Variants in AP3D1 observed in about 807,000 individuals in gnomAD.
AP3D1 encodes the protein AP-3 complex subunit delta-1.
In AP3D1, 51 loss-of-function variants were observed where a neutral mutation model predicts 147.6. The observed-to-expected ratio is 0.35, with a 90% confidence interval of 0.28 to 0.44. AP3D1 has a LOEUF of 0.44. Among genes scored for constraint, AP3D1 ranks in the 20% least tolerant of loss-of-function variants. The pLI is 1.00. For missense variants in AP3D1, 1,421 were observed against 1,624.2 expected (o/e 0.87, Z 2.15); for synonymous variants, 760 against 663.0 (o/e 1.15, Z -2.25).
At chr19:2,160,052 T>C (rs1415826033) in intron 1 of AP3D1, among the ~76,000 whole-genome samples, 1 of 146,812 alleles carries the variant, frequency 6.8e-6, no homozygotes, top group Non-Finnish European at 1.5e-5. Flanking sequence ...GGTTTCACCA[T>C]GTTGGTCAGG....
Position 2,110,194 on chromosome 19 carries a change from G to A in AP3D1, c.3206C>T (p.Thr1069Ile). The A allele has an allele frequency of 1.2e-6, 2 of 1,612,696 alleles. No homozygotes were observed. The highest frequency in any genetic ancestry group is 1.7e-6 in the Non-Finnish European group (2 of 1,179,978). Reference protein sequence around the residue: ...GVSNEAQYVFTIQSIVMAQKL... With the variant: ...GVSNEAQYVFIIQSIVMAQKL... ...CTGCGCCATGACGATGCTCTGGATGGTGAACACATACTGGGCTTCGTTGGA... is the reference window on the plus strand; with the variant it reads ...CTGCGCCATGACGATGCTCTGGATGATGAACACATACTGGGCTTCGTTGGA... Residue 1069 changes from threonine to isoleucine, a missense_variant, in exon 28 of 32, where the codon ACC becomes ATC. Around this residue, in one of 6 missense-constraint regions of AP3D1, gnomAD observed 791 missense variants for 761.4 expected, o/e 1.04. Transcript: ENST00000643116.
At chr19:2,128,141 G>A (rs1427633216) in intron 8 of AP3D1, among the ~76,000 whole-genome samples, 6 of 152,250 alleles carry the variant, frequency 3.9e-5, no homozygotes, top group Admixed American at 2.0e-4. Context: ...AGTGGGGGCC[G>A]GGGAGGGGTC....
intron 4 of AP3D1, among the ~76,000 whole-genome samples, chr19:2,133,002 G>C (rs1251928087): frequency 1.3e-5 from 2 of 152,212 alleles, no homozygotes; most frequent in Non-Finnish European, 2.9e-5. Flanking sequence ...AGAGGCGCCT[G>C]TCACAAGTCA....
intron 30 of AP3D1, 72 bp downstream of exon 30, chr19:2,109,014 C>T (rs1045933924): frequency 6.3e-7 from 1 of 1,586,214 alleles, no homozygotes; most frequent in Non-Finnish European, 8.5e-7. Context: ...ACAGGCCCGG[C>T]TCCAATAGGA....
intron 1 of AP3D1, among the ~76,000 whole-genome samples, chr19:2,141,984 A>G (rs1218351488): frequency 6.7e-6 from 1 of 149,934 alleles, no homozygotes; most frequent in Admixed American, 6.7e-5. Context: ...TTGTTTACAT[A>G]TATATACATT....
intron 4 of AP3D1, among the ~76,000 whole-genome samples, chr19:2,133,926 G>A (rs2019013237): frequency 6.6e-6 from 1 of 151,916 alleles, no homozygotes; most frequent in African/African-American, 2.4e-5. Context: ...TGACCAACAT[G>A]GTGAAACCCT....
chr19:2,121,521 A>G (rs1354732684), intron 12 of AP3D1, among the ~76,000 whole-genome samples: 1 of 152,154 alleles, frequency 6.6e-6, no homozygotes, highest in South Asian at 2.1e-4. Context: ...GGCCCAGCAC[A>G]GTCTGTTCTG....
In AP3D1 at chr19:2,114,274, T is replaced by C. The variant is rs200509510; in HGVS notation, c.2452A>G (p.Ile818Val). The C allele has an allele frequency of 5.0e-6, 8 of 1,612,258 alleles. No individual in the cohort carries two copies. The highest frequency in any genetic ancestry group is 1.7e-5 in the Admixed American group (1 of 59,364). Residue 818 changes from isoleucine to valine, a missense_variant, in exon 22 of 32, where the codon ATT (isoleucine) becomes GTT (valine). Physicochemically the swap from Ile to Val is conservative, Grantham distance 29 (BLOSUM62 3). Coordinates refer to ENST00000643116, the MANE Select transcript of AP3D1 (RefSeq NM_001261826.3). ...KPLADSEKLPIQKHRNTETSK... is the reference protein window; with the variant it reads ...KPLADSEKLPVQKHRNTETSK... ...GTCTCGGTGTTTCTGTGTTTCTGAA[T>C]AGGCAGTTTCTCGCTGTCGGCTAAG...
intron 5 of AP3D1, among the ~76,000 whole-genome samples, chr19:2,131,032 C>A (rs1278743939): frequency 6.6e-6 from 1 of 152,252 alleles, no homozygotes; most frequent in African/African-American, 2.4e-5. Flanking sequence ...CTAGAGGAGC[C>A]GGCACTCTGT....
At chr19:2,158,278 G>A (rs568898284) in intron 1 of AP3D1, among the ~76,000 whole-genome samples, 6 of 151,468 alleles carry the variant, frequency 4.0e-5, no homozygotes, top group South Asian at 2.1e-4. Context: ...GGATGGTCTC[G>A]ATCTCCTGAC....
chr19:2,126,629 G>A (rs1452914132), intron 9 of AP3D1, among the ~76,000 whole-genome samples: 1 of 148,212 alleles, frequency 6.7e-6, no homozygotes, highest in Non-Finnish European at 1.5e-5. Context: ...CTCCAGCCTG[G>A]GCAACAGAGT....
At chr19:2,141,571 G>A (rs1313042798) in intron 1 of AP3D1, among the ~76,000 whole-genome samples, 3 of 150,074 alleles carry the variant, frequency 2.0e-5, no homozygotes, top group Non-Finnish European at 4.4e-5. Context: ...CCTCCCGAGT[G>A]GCTACGATTA....
At chr19:2,123,703 C>A in intron 10 of AP3D1, 127 bp downstream of exon 10, 2 of 1,205,924 alleles carry the variant, frequency 1.7e-6, no homozygotes, top group Non-Finnish European at 2.4e-6. Flanking sequence ...CGGCTGTGCC[C>A]TCCCAAGCCG....
At chr19:2,130,368 C>G in intron 6 of AP3D1, 40 bp downstream of exon 6, 1 of 1,612,640 alleles carries the variant, frequency 6.2e-7, no homozygotes, top group African/African-American at 1.3e-5. Context: ...CCGGCTGAGC[C>G]CCCACCCTCA....
intron 31 of AP3D1, among the ~76,000 whole-genome samples, chr19:2,104,205 C>G (rs1015853169): frequency 2.0e-5 from 3 of 149,732 alleles, no homozygotes; most frequent in Non-Finnish European, 4.4e-5. Flanking sequence ...CACCGAGACA[C>G]CAACACTGAG....
chr19:2,147,557 GA>G (rs552693552), intron 1 of AP3D1, among the ~76,000 whole-genome samples: 2 of 134,676 alleles, frequency 1.5e-5, no homozygotes, highest in East Asian at 2.1e-4. Flanking sequence ...CTCTGACTTG[GA>G]AAAAAAACAA....
chr19:2,159,023 G>C (rs2019672335), intron 1 of AP3D1, among the ~76,000 whole-genome samples: 1 of 151,784 alleles, frequency 6.6e-6, no homozygotes, highest in Non-Finnish European at 1.5e-5. Flanking sequence ...ATGGAGTCTA[G>C]ATCTGTCACC....
intron 1 of AP3D1, among the ~76,000 whole-genome samples, chr19:2,161,622 G>C (rs1014788823): frequency 6.6e-6 from 1 of 152,114 alleles, no homozygotes; most frequent in Non-Finnish European, 1.5e-5. Flanking sequence ...AGGCATACAT[G>C]CAGACCAAAG....
intron 29 of AP3D1, 86 bp from the exon 30 acceptor site, chr19:2,109,293 C>A (rs77080617): frequency 6.8e-7 from 1 of 1,480,510 alleles, no homozygotes; most frequent in Admixed American, 2.5e-5. Context: ...CTGCCACACA[C>A]GCTGCGCTTG....
Sources: gnomAD v4.1 joint callset for allele counts (sites outside exome capture counted in the v4.1 genomes callset) on GRCh38, gnomAD v4.1.1 for gene constraint, gnomAD v4.1.1 regional missense constraint, MANE v1.5 for transcripts, NCBI Gene and HGNC (gene_info 2026-07-23, HGNC 2026-07-21) for gene names.